The following SHISA9 variants were observed in gnomAD, a reference collection of about 807,000 sequenced individuals.
SHISA9 encodes the protein protein shisa-9.
SHISA9 carries 13 observed loss-of-function variants against 38.0 expected under a neutral mutation model. The ratio of observed to expected loss-of-function variants is 0.34; its 90% confidence interval spans 0.22 to 0.54. The LOEUF is 0.54. Among genes scored for constraint, SHISA9 ranks in the 20% least tolerant of loss-of-function variants. SHISA9 has a pLI of 0.91. For missense variants in SHISA9, 538 were observed against 575.8 expected (o/e 0.93, Z 0.67); for synonymous variants, 275 against 242.0 (o/e 1.14, Z -1.27).
In SHISA9 at chr16:12,999,656, T is replaced by TTGCTG. The variant is rs541313547; in HGVS notation, c.691+82844_691+82848dup. Among the ~76,000 whole-genome samples the TTGCTG allele has an allele frequency of 7.2e-5, 11 of 152,352 alleles. No homozygotes were observed. The South Asian group carries it at 2.1e-3, about 29-fold the overall frequency. The stretch of plus-strand genomic sequence containing the variant: ...CAGGTTGCATGGGGCCTGATAGATG[T>TTGCTG]TGCTGTGTATCCCTCAAAAGCCTAA... On this transcript the variant is annotated intron_variant, in intron 2 of 4. Coordinates refer to ENST00000558583, the MANE Select transcript of SHISA9 (RefSeq NM_001145204.3).
chr16:13,008,450 C>G (rs1220854439), intron 2 of SHISA9, among the ~76,000 whole-genome samples: 1 of 152,120 alleles, frequency 6.6e-6, no homozygotes, highest in Non-Finnish European at 1.5e-5. Context: ...CCAGGCAGAT[C>G]TCATTTTGAA....
At chr16:13,235,000 CCTT>C in intron 4 of SHISA9, 27 bp from the exon 5 acceptor site, 2 of 1,506,860 alleles carry the variant, frequency 1.3e-6, no homozygotes, top group South Asian at 1.3e-5. Context: ...TCTTTCTTCC[CCTT>C]CTTCATCCAC....
chr16:13,382,530 C>CAAAAAAAAA, the SHISA9 span, among the ~76,000 whole-genome samples: 1 of 48,976 alleles, frequency 2.0e-5, no homozygotes, highest in African/African-American at 7.0e-5. Context: ...AACTCCATCT[C>CAAAAAAAAA]AAAAAAAAAA....
chr16:13,542,221 G>T, the SHISA9 span, among the ~76,000 whole-genome samples: 1 of 152,112 alleles, frequency 6.6e-6, no homozygotes, highest in African/African-American at 2.4e-5. Context: ...TCTGACTTCT[G>T]GCCTCCAGAA....
rs117305750 is a variant in SHISA9, at chr16:13,042,023, G to T, written c.691+125208G>T. Among the ~76,000 whole-genome samples the T allele has an allele frequency of 3.7e-3, 566 of 152,348 alleles. 3 individuals are homozygous for T. Among genetic ancestry groups the T allele is most frequent in the South Asian group, 5.0e-3 (24 of 4,828 alleles). On this transcript the variant is annotated intron_variant, in intron 2 of 4. Transcript: ENST00000558583. The stretch of plus-strand genomic sequence containing the variant: ...AGAGGCAAAGGGGATTTTGAGGAGG[G>T]ATTGTAGCAGCTGGCTAATCAGGGG...
At chr16:13,542,845 C>T in the SHISA9 span, among the ~76,000 whole-genome samples, 1 of 152,182 alleles carries the variant, frequency 6.6e-6, no homozygotes, top group Non-Finnish European at 1.5e-5. Flanking sequence ...CGAGCAGCAT[C>T]AACTGAGAGC....
At chr16:13,431,159 G>T in the SHISA9 span, among the ~76,000 whole-genome samples, 1 of 152,110 alleles carries the variant, frequency 6.6e-6, no homozygotes, top group Admixed American at 6.6e-5. Context: ...CCTAAATTCA[G>T]CTCCTTGAAT....
At chr16:13,124,324 G>A (rs1303435273) in intron 2 of SHISA9, among the ~76,000 whole-genome samples, 2 of 152,190 alleles carry the variant, frequency 1.3e-5, no homozygotes, top group African/African-American at 4.8e-5. Context: ...GAAACTGAGA[G>A]GAAAGAAAGG....
At chr16:13,244,324 C>T (rs189932249), downstream of SHISA9, among the ~76,000 whole-genome samples, 1 of 152,194 alleles carries the variant, frequency 6.6e-6, no homozygotes, top group East Asian at 1.9e-4. Flanking sequence ...CTGCAGGGGT[C>T]CACTTATGTG....
the SHISA9 span, among the ~76,000 whole-genome samples, chr16:13,561,137 G>A: frequency 1.3e-5 from 2 of 152,170 alleles, no homozygotes; most frequent in African/African-American, 4.8e-5. Flanking sequence ...ATAGTGCTGG[G>A]ATTAAAAGCA....
chr16:13,411,747 C>G, the SHISA9 span, among the ~76,000 whole-genome samples: 4 of 152,326 alleles, frequency 2.6e-5, no homozygotes, highest in East Asian at 7.7e-4. Flanking sequence ...GACACTTCTG[C>G]TCATATTTCA....
chr16:13,420,245 C>CAAAAAAAAAAAAAA, the SHISA9 span, among the ~76,000 whole-genome samples: 22 of 50,404 alleles, frequency 4.4e-4, 1 homozygote, highest in South Asian at 1.5e-3. Context: ...GAATCTGTTT[C>CAAAAAAAAAAAAAA]AAAAAAAAAA....
intron 1 of SHISA9, chr16:12,909,045 C>A (rs901573575): frequency 9.0e-6 from 9 of 997,930 alleles, no homozygotes; most frequent in African/African-American, 1.7e-5. Flanking sequence ...TCCTGCCTCT[C>A]ATCTTTCTAT....
Position 13,156,651 on chromosome 16 carries a change from G to A in SHISA9, c.692-46743G>A, listed in dbSNP as rs535319365. Among the ~76,000 whole-genome samples the A allele has an allele frequency of 2.8e-3, 430 of 151,486 alleles. 1 individual carries two copies. The highest frequency in any genetic ancestry group is 3.1e-3 in the Non-Finnish European group (209 of 67,880). On this transcript the variant is annotated intron_variant, in intron 2 of 4. Coordinates refer to ENST00000558583, the MANE Select transcript of SHISA9 (RefSeq NM_001145204.3). ...CAGGAGGCTGAGGCAGGAGAATGGC[G>A]TGAACCTGGGAGGTGGAGCTCGCAG... is the stretch of plus-strand genomic sequence containing the variant.
intron 2 of SHISA9, among the ~76,000 whole-genome samples, chr16:12,975,653 GGGC>G (rs1477497897): frequency 4.2e-5 from 6 of 144,284 alleles, no homozygotes; most frequent in African/African-American, 1.3e-4. Flanking sequence ...GGTGGGACGG[GGGC>G]GGGGGGGGTA....
intron 2 of SHISA9, among the ~76,000 whole-genome samples, chr16:13,047,228 A>G (rs1487376440): frequency 6.6e-6 from 1 of 152,022 alleles, no homozygotes; most frequent in Non-Finnish European, 1.5e-5. Flanking sequence ...GGTTTAATAA[A>G]TTCTTCTCTG....
At chr16:12,955,099 C>T (rs2071811457) in intron 2 of SHISA9, among the ~76,000 whole-genome samples, 1 of 151,882 alleles carries the variant, frequency 6.6e-6, no homozygotes, top group Admixed American at 6.6e-5. Flanking sequence ...ATTGATTTCT[C>T]CCTGAGAGTT....
At chr16:13,371,532 C>T in the SHISA9 span, among the ~76,000 whole-genome samples, 70 of 152,262 alleles carry the variant, frequency 4.6e-4, 1 homozygote, top group African/African-American at 1.4e-3. Context: ...TTAAGAATCA[C>T]TGCTATAGTA....
At chr16:12,904,489 G>C (rs937674903) in intron 1 of SHISA9, among the ~76,000 whole-genome samples, 2 of 152,140 alleles carry the variant, frequency 1.3e-5, no homozygotes, top group Non-Finnish European at 2.9e-5. Context: ...GGTTACCCAA[G>C]GGCCCAACTT....
Sources: allele counts gnomAD v4.1 joint callset (sites outside exome capture counted in the v4.1 genomes callset), GRCh38; gene constraint gnomAD v4.1.1; transcripts MANE v1.5; gene names NCBI Gene and HGNC (gene_info 2026-07-23, HGNC 2026-07-21).